CBLN2: variants seen among roughly 807,000 people sequenced by gnomAD.
The protein encoded by CBLN2 is cerebellin 2 precursor, also known as cerebellin-2.
Under a neutral mutation model 15.0 loss-of-function variants are expected in CBLN2, and 7 were observed. The ratio of observed to expected loss-of-function variants is 0.47; its 90% CI spans 0.27 to 0.88. The LOEUF is 0.88. CBLN2 is among the 40% of genes least tolerant of loss of function. CBLN2 has a pLI of 0.14. For synonymous variants in CBLN2, 149 were observed against 135.2 expected, an observed-to-expected ratio of 1.10 and a Z score of -0.71; for missense variants, 242 against 304.5, an observed-to-expected ratio of 0.79 and a Z score of 1.53.
intron 1 of CBLN2, among the ~76,000 whole-genome samples, chr18:72,575,675 A>AG (rs1328015894): frequency 6.6e-6 from 1 of 152,118 alleles, no homozygotes; most frequent in South Asian, 2.1e-4. Context: ...CAGAGGATGA[A>AG]GGGCCAGTCT....
rs943441691 is a variant in CBLN2 at position 72,576,963 on chromosome 18, AAT to A, written c.16-38193_16-38192del. Among the ~76,000 whole-genome samples, 325 of 147,856 alleles carry A rather than the reference AAT, an allele frequency of 2.2e-3. 3 individuals carry two copies. The highest frequency in any genetic ancestry group is 7.8e-3 in the African/African-American group (318 of 40,804). On this transcript the variant is annotated intron_variant, in intron 1 of 2. Transcript: ENST00000581073. ...TATATATAAATGTGATGTATATATA[AAT>A]ATATATAAATGTGAATATTTAGAAT...
rs1187311692 is a variant in CBLN2, at chr18:72,538,714, C to T, written c.416G>A (p.Arg139Lys). Reference protein sequence around the residue: ...DLASSIFVAPRKGIYSFSFHV... With the variant: ...DLASSIFVAPKKGIYSFSFHV... ...GAAGCTGAAGCTATAAATCCCTTTTCTCGGTGCTACAAATATACTGGAAGC... is the reference window on the plus strand; with the variant it reads ...GAAGCTGAAGCTATAAATCCCTTTTTTCGGTGCTACAAATATACTGGAAGC... Residue 139 changes from arginine (R) to lysine (K), a missense_variant, in exon 4 of 5, where the codon AGA becomes AAA. Arg to Lys is a conservative substitution (Grantham distance 26). Transcript: ENST00000269503. 1.2e-6 allele frequency: 2 copies of T among 1,613,918 alleles called. No homozygotes were observed. The highest frequency in any genetic ancestry group is 1.7e-6 in the Non-Finnish European group (2 of 1,180,024).
chr18:72,574,452 G>T (rs1008566725), intron 1 of CBLN2, among the ~76,000 whole-genome samples: 9 of 152,176 alleles, frequency 5.9e-5, no homozygotes, highest in African/African-American at 1.9e-4. Flanking sequence ...GTGGCACCAG[G>T]AGAAGGGGGC....
chr18:72,581,522 A>C (rs2069404767), intron 1 of CBLN2, among the ~76,000 whole-genome samples: 1 of 152,198 alleles, frequency 6.6e-6, no homozygotes, highest in African/African-American at 2.4e-5. Context: ...AAATCATTAG[A>C]ATATCCCACT....
At chr18:72,630,560 CAT>C (rs1229992145) in intron 1 of CBLN2, among the ~76,000 whole-genome samples, 4 of 97,412 alleles carry the variant, frequency 4.1e-5, no homozygotes, top group East Asian at 2.6e-4. Flanking sequence ...CACACACACA[CAT>C]GCAGAGAGAG....
At chr18:72,598,429 A>G (rs2069526786) in intron 1 of CBLN2, among the ~76,000 whole-genome samples, 1 of 152,214 alleles carries the variant, frequency 6.6e-6, no homozygotes, top group Non-Finnish European at 1.5e-5. Flanking sequence ...GTTGCAAGAC[A>G]AAGTCCACTT....
intron 1 of CBLN2, among the ~76,000 whole-genome samples, chr18:72,626,872 G>A (rs2069743113): frequency 6.6e-6 from 1 of 152,150 alleles, no homozygotes; most frequent in African/African-American, 2.4e-5. Flanking sequence ...CTCTCTTTTT[G>A]AGTGATCCAA....
At chr18:72,562,746 A>G (rs1407443523) in intron 1 of CBLN2, among the ~76,000 whole-genome samples, 1 of 152,242 alleles carries the variant, frequency 6.6e-6, no homozygotes, top group East Asian at 1.9e-4. Flanking sequence ...TTAGTCTGCC[A>G]AGTATAATTT....
chr18:72,540,575 C>T (rs1425484065), intron 3 of CBLN2, among the ~76,000 whole-genome samples: 1 of 152,016 alleles, frequency 6.6e-6, no homozygotes, highest in African/African-American at 2.4e-5. Flanking sequence ...GTATTAGTTC[C>T]CAAATGCCTA....
intron 1 of CBLN2, among the ~76,000 whole-genome samples, chr18:72,617,844 C>A (rs2069672661): frequency 6.6e-6 from 1 of 151,860 alleles, no homozygotes; most frequent in Non-Finnish European, 1.5e-5. Flanking sequence ...GAGGCACAAC[C>A]TGGTATGCAA....
chr18:72,585,377 G>A (rs1314098874), intron 1 of CBLN2, among the ~76,000 whole-genome samples: 1 of 152,174 alleles, frequency 6.6e-6, no homozygotes, highest in Admixed American at 6.5e-5. Context: ...GTCCTTTACT[G>A]AGGACAGTAC....
rs1022689838 is a variant in CBLN2 at position 72,537,045 on chromosome 18, C to T, written c.*1131G>A. The T allele has an allele frequency of 6.6e-6, 1 of 152,262 alleles. No homozygotes were observed. The highest frequency in any genetic ancestry group is 2.4e-5 in the African/African-American group (1 of 41,444). 9.4% of individuals were successfully genotyped at this position (152,262 alleles called of 1,614,324 possible). On this transcript the variant is annotated 3_prime_UTR_variant, in exon 5 of 5. Transcript: ENST00000269503. ...AGGATCCGGAGGAAGAGGAGCTGGT[C>T]TGTTGGCTTTGAAGCACCTGATCAC... is the stretch of plus-strand genomic sequence containing the variant.
chr18:72,578,754 C>T (rs1190223993), intron 1 of CBLN2, among the ~76,000 whole-genome samples: 2 of 152,160 alleles, frequency 1.3e-5, no homozygotes, highest in Non-Finnish European at 2.9e-5. Context: ...GTAGACACTC[C>T]TTAGTGTGCT....
chr18:72,620,359 T>C (rs925746400), intron 1 of CBLN2: 5 of 152,118 alleles, frequency 3.3e-5, no homozygotes, highest in African/African-American at 7.2e-5. Context: ...GACAATTTCA[T>C]TGAACGATGA....
intron 1 of CBLN2, among the ~76,000 whole-genome samples, chr18:72,627,387 C>T (rs1422122476): frequency 2.0e-5 from 3 of 152,138 alleles, no homozygotes; most frequent in East Asian, 1.9e-4. Context: ...AATTGCATTG[C>T]TATTTTTGTT....
At chr18:72,614,851 T>C (rs1305620508) in intron 1 of CBLN2, among the ~76,000 whole-genome samples, 1 of 151,532 alleles carries the variant, frequency 6.6e-6, no homozygotes, top group African/African-American at 2.4e-5. Context: ...GATCTATCTT[T>C]TCTGGGTTTT....
At chr18:72,586,016 G>C (rs1198779898) in intron 1 of CBLN2, among the ~76,000 whole-genome samples, 1 of 152,200 alleles carries the variant, frequency 6.6e-6, no homozygotes, top group Non-Finnish European at 1.5e-5. Flanking sequence ...GGCTTCCCAG[G>C]TTTCCCAGAG....
chr18:72,541,965 C>G lies in CBLN2; in HGVS notation c.196G>C (p.Val66Leu). 1 of 1,607,136 alleles carries G rather than the reference C, an allele frequency of 6.2e-7. No homozygotes were observed. Among genetic ancestry groups the G allele is most frequent in the South Asian group, 1.1e-5 (1 of 90,796 alleles). The change falls in exon 3 of 5, where the codon GTG (valine) becomes CTG (leucine). Residue 66 changes from valine (V) to leucine (L), a missense_variant. Around this residue, in one of 4 missense-constraint regions of CBLN2, gnomAD observed 89 missense variants for 114.2 expected, o/e 0.78. Coordinates refer to ENST00000269503, the MANE Select transcript of CBLN2 (RefSeq NM_182511.4). The part of the protein sequence containing the change: ...EPIVLEGKCL[V>L]VCDSSPSADG... Reference sequence around the variant, plus strand: ...GCCGACGGGCTGGAGTCGCACACCACCAGGCACTTGCCCTCCAGCACGATG... The same window carrying G: ...GCCGACGGGCTGGAGTCGCACACCAGCAGGCACTTGCCCTCCAGCACGATG...
At chr18:72,566,071 A>T (rs925876660) in intron 1 of CBLN2, among the ~76,000 whole-genome samples, 1 of 152,200 alleles carries the variant, frequency 6.6e-6, no homozygotes, top group African/African-American at 2.4e-5. Flanking sequence ...AAAAATGCTA[A>T]AAGTCACAAA....
Sources: allele counts gnomAD v4.1 joint callset (sites outside exome capture counted in the v4.1 genomes callset), GRCh38; gene constraint gnomAD v4.1.1; regional missense constraint gnomAD v4.1.1; transcripts MANE v1.5; gene names NCBI Gene and HGNC (gene_info 2026-07-23, HGNC 2026-07-21).